Variants in MAGI2 observed in about 807,000 individuals in gnomAD.
MAGI2 encodes the protein membrane-associated guanylate kinase, WW and PDZ domain-containing protein 2.
Under a neutral mutation model 133.3 loss-of-function variants are expected in MAGI2, and 35 were observed. The ratio of observed to expected loss-of-function variants is 0.26; its 90% confidence interval spans 0.20 to 0.35. The LOEUF is 0.35. MAGI2 is among the 10% of genes least tolerant of loss of function. MAGI2 has a pLI of 1.00. For synonymous variants in MAGI2, 729 were observed against 710.6 expected (o/e 1.03, Z -0.41); for missense variants, 1,636 against 1,863.4 (o/e 0.88, Z 2.25).
intron 1 of MAGI2, among the ~76,000 whole-genome samples, chr7:79,253,390 C>A (rs1389434004): frequency 6.6e-6 from 1 of 152,116 alleles, no homozygotes; most frequent in East Asian, 1.9e-4. Flanking sequence ...TGCTTATAAT[C>A]CCAGCACTTT....
At chr7:79,147,120 A>T (rs1287042203) in intron 1 of MAGI2, among the ~76,000 whole-genome samples, 2 of 152,266 alleles carry the variant, frequency 1.3e-5, no homozygotes, top group East Asian at 1.9e-4. Flanking sequence ...CTGTAAAACT[A>T]GAATCGCAGT....
chr7:79,136,547 G>T (rs1821594005), intron 1 of MAGI2, among the ~76,000 whole-genome samples: 1 of 152,098 alleles, frequency 6.6e-6, no homozygotes. Flanking sequence ...TGTTCTTTTA[G>T]CCCAGGGAAG....
intron 2 of MAGI2, among the ~76,000 whole-genome samples, chr7:78,936,658 C>T (rs1419926124): frequency 2.0e-5 from 3 of 151,924 alleles, no homozygotes; most frequent in Non-Finnish European, 4.4e-5. Context: ...CAAAAACCAC[C>T]TCATAATGAT....
chr7:78,586,196 C>T (rs868849311), intron 3 of MAGI2, among the ~76,000 whole-genome samples: 4 of 152,306 alleles, frequency 2.6e-5, no homozygotes, highest in Middle Eastern at 6.8e-3. Context: ...ACATCTTCAG[C>T]ATTCAGCAAT....
At chr7:78,708,031 T>C (rs1251855412) in intron 2 of MAGI2, among the ~76,000 whole-genome samples, 1 of 152,126 alleles carries the variant, frequency 6.6e-6, no homozygotes. Flanking sequence ...AGATTTACCA[T>C]GATAAAGTAA....
intron 2 of MAGI2, 116 bp from the exon 3 acceptor site, chr7:78,627,355 T>C (rs1808479595): frequency 1.5e-5 from 15 of 980,070 alleles, no homozygotes; most frequent in Middle Eastern, 3.4e-4. Flanking sequence ...TCCTGCAAGT[T>C]GGCAGTTTGC....
chr7:79,270,184 C>A (rs1834776576), intron 1 of MAGI2, among the ~76,000 whole-genome samples: 1 of 152,072 alleles, frequency 6.6e-6, no homozygotes, highest in Non-Finnish European at 1.5e-5. Flanking sequence ...CAGCAGCACC[C>A]ATTCTCCAGC....
At chr7:79,262,059 C>T (rs1466498788) in intron 1 of MAGI2, among the ~76,000 whole-genome samples, 1 of 152,158 alleles carries the variant, frequency 6.6e-6, no homozygotes. Flanking sequence ...TAGTATTTAT[C>T]AATCTTCAAT....
At chr7:78,195,928 G>A (rs1049489447) in intron 11 of MAGI2, among the ~76,000 whole-genome samples, 5 of 152,084 alleles carry the variant, frequency 3.3e-5, no homozygotes, top group African/African-American at 1.2e-4. Flanking sequence ...GAATTGACCG[G>A]CAGCGTATGT....
intron 2 of MAGI2, among the ~76,000 whole-genome samples, chr7:78,917,990 A>G (rs1798931132): frequency 6.6e-6 from 1 of 151,944 alleles, no homozygotes. Context: ...AACTCTCCAA[A>G]TCTCATTGTT....
At chr7:79,369,114 G>A (rs1842907836) in intron 1 of MAGI2, among the ~76,000 whole-genome samples, 1 of 152,110 alleles carries the variant, frequency 6.6e-6, no homozygotes, top group African/African-American at 2.4e-5. Context: ...CCATTTCTGA[G>A]CATCTCTCCT....
At chr7:78,811,977 C>G (rs558517674) in intron 2 of MAGI2, among the ~76,000 whole-genome samples, 2 of 152,298 alleles carry the variant, frequency 1.3e-5, no homozygotes, top group Admixed American at 1.3e-4. Flanking sequence ...ACCTGAGAAC[C>G]TGTCCTGGCT....
intron 6 of MAGI2, among the ~76,000 whole-genome samples, chr7:78,455,741 G>A (rs1789243416): frequency 6.6e-6 from 1 of 152,100 alleles, no homozygotes; most frequent in Non-Finnish European, 1.5e-5. Context: ...GTTCAGTGAT[G>A]TTAGTCTGGC....
At chr7:78,041,666 C>A (rs539530296) in intron 21 of MAGI2, among the ~76,000 whole-genome samples, 5 of 152,252 alleles carry the variant, frequency 3.3e-5, no homozygotes, top group Middle Eastern at 3.4e-3. Context: ...CAGAGTGAGA[C>A]GCTGTTTCAA....
At chr7:78,654,810 A>G (rs1026203367) in intron 2 of MAGI2, among the ~76,000 whole-genome samples, 1 of 149,620 alleles carries the variant, frequency 6.7e-6, no homozygotes, top group African/African-American at 2.5e-5. Flanking sequence ...TAACATTTGT[A>G]TTTATTGCTC....
chr7:79,417,883 A>G (rs1846648025), intron 1 of MAGI2, among the ~76,000 whole-genome samples: 1 of 152,152 alleles, frequency 6.6e-6, no homozygotes, highest in African/African-American at 2.4e-5. Flanking sequence ...AGAAAACAAC[A>G]ACTACCCCCC....
chr7:79,430,556 T>G (rs1009799628), intron 1 of MAGI2, among the ~76,000 whole-genome samples: 1 of 152,172 alleles, frequency 6.6e-6, no homozygotes, highest in Non-Finnish European at 1.5e-5. Flanking sequence ...CAATTGCCAG[T>G]TCCACAACCT....
Position 79,378,942 on chromosome 7 carries a change from A to G in MAGI2, c.301+74078T>C, listed in dbSNP as rs1418328373. On this transcript the variant is annotated intron_variant, in intron 1 of 21. Coordinates refer to ENST00000354212, the MANE Select transcript of MAGI2 (RefSeq NM_012301.4). ...TGTGTGTGTGTATATATATATATAT[A>G]TATATATATATATATATATATATAT... Among the ~76,000 whole-genome samples, 46 of 31,810 alleles carry G rather than the reference A, an allele frequency of 1.4e-3. 1 individual carries two copies. In the East Asian group the frequency reaches 0.044, roughly 30 times the overall value. 20.9% of individuals were successfully genotyped at this position (31,810 alleles called of 152,430 possible). A position where few individuals can be genotyped will look rare whatever the true frequency, so the allele number is the denominator to read the frequency against.
chr7:78,735,383 T>A (rs1281554127), intron 2 of MAGI2, among the ~76,000 whole-genome samples: 1 of 152,182 alleles, frequency 6.6e-6, no homozygotes, highest in East Asian at 1.9e-4. Context: ...ACAACAACAG[T>A]AACAGCTAAC....
Sources: gnomAD v4.1 joint callset for allele counts (sites outside exome capture counted in the v4.1 genomes callset) on GRCh38, gnomAD v4.1.1 for gene constraint, MANE v1.5 for transcripts, NCBI Gene and HGNC (gene_info 2026-07-23, HGNC 2026-07-21) for gene names.